The following C2CD3 variants were observed in gnomAD, a reference collection of about 807,000 sequenced individuals.
C2CD3 encodes C2 domain-containing protein 3.
Under a neutral mutation model 234.0 loss-of-function variants are expected in C2CD3, and 148 were observed. The observed-to-expected ratio is 0.63, with a 90% CI of 0.55 to 0.72. The LOEUF (loss-of-function observed/expected upper bound fraction) is 0.72. C2CD3 is among the 30% of genes least tolerant of loss of function. The pLI is 0.00. For synonymous variants in C2CD3, 1,000 were observed against 1,035.4 expected (o/e 0.97, Z 0.66); for missense variants, 2,577 against 2,811.5 (o/e 0.92, Z 1.89).
chr11:74,093,771 G>T, intron 18 of C2CD3, 45 bp downstream of exon 18: 1 of 1,511,060 alleles, frequency 6.6e-7, no homozygotes, highest in Non-Finnish European at 9.1e-7. Context: ...CTTTATGATT[G>T]TGCACTTCCT....
intron 32 of C2CD3, among the ~76,000 whole-genome samples, chr11:74,014,206 A>G (rs941252): frequency 0.078 from 11,846 of 152,026 alleles, 1,424 homozygotes; most frequent in African/African-American, 0.26. Flanking sequence ...GTGCTGAAGG[A>G]GCTCAAAGCT....
intron 22 of C2CD3, among the ~76,000 whole-genome samples, chr11:74,081,896 G>GT (rs1300747091): frequency 6.6e-6 from 1 of 151,852 alleles, no homozygotes; most frequent in African/African-American, 2.4e-5. Context: ...AGACGATGGG[G>GT]TTTTTTTTCT....
intron 8 of C2CD3, among the ~76,000 whole-genome samples, chr11:74,121,803 T>C (rs1957227615): frequency 6.6e-6 from 1 of 152,116 alleles, no homozygotes; most frequent in South Asian, 2.1e-4. Flanking sequence ...CTCTTTATCC[T>C]ATAGGGAACA....
intron 24 of C2CD3, among the ~76,000 whole-genome samples, chr11:74,061,649 G>C (rs1259012554): frequency 2.0e-5 from 3 of 152,202 alleles, no homozygotes; most frequent in African/African-American, 7.2e-5. Context: ...GGAACAACCA[G>C]TACTGGCCGC....
At chr11:74,141,540 C>G (rs1159286121) in intron 3 of C2CD3, among the ~76,000 whole-genome samples, 1 of 152,206 alleles carries the variant, frequency 6.6e-6, no homozygotes, top group Non-Finnish European at 1.5e-5. Flanking sequence ...TGCTTTAACT[C>G]ATAGGCCTGT....
At chr11:74,154,428 A>C (rs985529382) in intron 3 of C2CD3, among the ~76,000 whole-genome samples, 1 of 152,190 alleles carries the variant, frequency 6.6e-6, no homozygotes, top group African/African-American at 2.4e-5. Context: ...TAAAAAAGAA[A>C]AGAAAGAGAG....
intron 2 of C2CD3, among the ~76,000 whole-genome samples, chr11:74,165,097 C>A (rs544858224): frequency 1.3e-5 from 2 of 151,838 alleles, no homozygotes; most frequent in Non-Finnish European, 2.9e-5. Flanking sequence ...AAAATAGATA[C>A]GAAGAAATAA....
chr11:74,121,079 G>A (rs1380725261), intron 8 of C2CD3, among the ~76,000 whole-genome samples: 1 of 152,044 alleles, frequency 6.6e-6, no homozygotes, highest in African/African-American at 2.4e-5. Context: ...AGTGGGTAAA[G>A]GGTATAAGTG....
At chr11:74,113,236 G>A (rs1416407847) in intron 11 of C2CD3, 2 of 155,012 alleles carry the variant, frequency 1.3e-5, no homozygotes, top group East Asian at 1.9e-4. Context: ...GAGACATCCA[G>A]AATGGACAAA....
At chr11:74,159,598 T>A (rs943569612) in intron 3 of C2CD3, among the ~76,000 whole-genome samples, 9 of 152,052 alleles carry the variant, frequency 5.9e-5, no homozygotes, top group African/African-American at 2.2e-4. Context: ...ATATAAAAAA[T>A]TTTTGCATAC....
chr11:74,086,004 T>C, intron 20 of C2CD3, 118 bp from the exon 21 acceptor site: 2 of 1,026,962 alleles, frequency 1.9e-6, no homozygotes, highest in Non-Finnish European at 2.8e-6. Flanking sequence ...ACCAACTATA[T>C]GCTTTCTATC....
At chr11:74,102,206 T>C (rs969714061) in intron 14 of C2CD3, among the ~76,000 whole-genome samples, 1 of 152,198 alleles carries the variant, frequency 6.6e-6, no homozygotes, top group Admixed American at 6.5e-5. Context: ...GAGTAAATTA[T>C]AATTTGAATT....
Position 74,074,256 on chromosome 11 carries a change from T to C in C2CD3, c.4948A>G (p.Lys1650Glu). 1 of 1,610,950 alleles carries C rather than the reference T, an allele frequency of 6.2e-7. No homozygotes were observed. Among genetic ancestry groups the C allele is most frequent in the Non-Finnish European group, 8.5e-7 (1 of 1,177,682 alleles). Residue 1650 changes from lysine to glutamate, a missense_variant, in exon 24 of 33, where the codon AAA (lysine) becomes GAA (glutamate). Transcript: ENST00000334126. ...LVERAMHLSL[K>E]GSPLTERKVS... ...TGGGTAGGTGAGGAGAGCATACCTT[T>C]CAAGCTCAAGTGCATTGCTCTTTCT...
At chr11:74,151,556 G>A (rs1160533734) in intron 3 of C2CD3, among the ~76,000 whole-genome samples, 3 of 151,316 alleles carry the variant, frequency 2.0e-5, no homozygotes, top group Non-Finnish European at 4.4e-5. Flanking sequence ...CAAACTCCTG[G>A]CCTCAAGTGA....
chr11:74,031,087 A>G (rs893580176), intron 31 of C2CD3, among the ~76,000 whole-genome samples: 1 of 152,134 alleles, frequency 6.6e-6, no homozygotes, highest in African/African-American at 2.4e-5. Context: ...GCACTGGGTG[A>G]CTTCTTTTCT....
At chr11:74,090,659 T>C (rs1174249546) in intron 20 of C2CD3, among the ~76,000 whole-genome samples, 154 bp downstream of exon 20, 1 of 152,246 alleles carries the variant, frequency 6.6e-6, no homozygotes, top group Non-Finnish European at 1.5e-5. Flanking sequence ...GCAAGTGATT[T>C]ACTCATATTC....
At chr11:74,022,916 G>C (rs530829909) in intron 32 of C2CD3, among the ~76,000 whole-genome samples, 27 of 152,350 alleles carry the variant, frequency 1.8e-4, no homozygotes, top group East Asian at 1.2e-3. Flanking sequence ...CATGGGGTGG[G>C]AATTATGGGC....
At chr11:74,036,189 T>C (rs1050958262) in intron 30 of C2CD3, 2 of 282,152 alleles carry the variant, frequency 7.1e-6, no homozygotes, top group Non-Finnish European at 7.1e-6. Flanking sequence ...TCTTTTAATA[T>C]GCCCCTTTAG....
chr11:74,035,249 T>C (rs917043420), intron 30 of C2CD3, among the ~76,000 whole-genome samples: 2 of 152,190 alleles, frequency 1.3e-5, no homozygotes, highest in African/African-American at 4.8e-5. Context: ...AAATGAAACA[T>C]TACTACCTGT....
Sources: allele counts gnomAD v4.1 joint callset (sites outside exome capture counted in the v4.1 genomes callset), GRCh38; gene constraint gnomAD v4.1.1; transcripts MANE v1.5; gene names NCBI Gene and HGNC (gene_info 2026-07-23, HGNC 2026-07-21).